The following BCL11A variants were observed in gnomAD, a reference collection of about 807,000 sequenced individuals.
BCL11A encodes B cell CLL/lymphoma 11A.
A neutral mutation model predicts 55.9 loss-of-function variants in BCL11A; 2 were observed. The observed-to-expected ratio is 0.04, with a 90% CI of 0.01 to 0.11. BCL11A has a LOEUF of 0.11. BCL11A is among the 10% of genes least tolerant of loss of function. BCL11A has a pLI of 1.00. For missense variants in BCL11A, 817 were observed against 1,137.1 expected (o/e 0.72, Z 4.05); for synonymous variants, 465 against 473.4 (o/e 0.98, Z 0.23).
In BCL11A at chr2:60,552,890, GGC is replaced by G. The variant is rs1364569225; in HGVS notation, c.55+324_55+325del. 1.4e-3 allele frequency among the ~76,000 whole-genome samples: 217 copies of G among 151,946 alleles called. 1 individual carries two copies. Among genetic ancestry groups the G allele is most frequent in the African/African-American group, 5.0e-3 (207 of 41,330 alleles). ...GTTCATTATTTTGCAAAACTGGCGG[GGC>G]GGGGGGGGAGTGGAATCATTGCATT... On this transcript the variant is annotated intron_variant, in intron 1 of 3. Coordinates refer to ENST00000642384, the MANE Select transcript of BCL11A (RefSeq NM_022893.4).
At chr2:60,493,218 C>G (rs2104332347) in intron 2 of BCL11A, among the ~76,000 whole-genome samples, 1 of 152,302 alleles carries the variant, frequency 6.6e-6, no homozygotes, top group East Asian at 1.9e-4. Flanking sequence ...TCCATTCAAC[C>G]TATTGGTTGC....
At chr2:60,493,335 T>A (rs925693452) in intron 2 of BCL11A, among the ~76,000 whole-genome samples, 4 of 152,324 alleles carry the variant, frequency 2.6e-5, no homozygotes, top group Admixed American at 1.3e-4. Flanking sequence ...GGTAAACATC[T>A]AAGGCATTTC....
chr2:60,511,447 G>C (rs909771465), intron 2 of BCL11A, among the ~76,000 whole-genome samples: 12 of 152,208 alleles, frequency 7.9e-5, no homozygotes, highest in Non-Finnish European at 1.6e-4. Flanking sequence ...AACACTTAAA[G>C]ATGCTATTCA....
At chr2:60,473,894 A>G (rs1444935958) in intron 2 of BCL11A, among the ~76,000 whole-genome samples, 1 of 152,044 alleles carries the variant, frequency 6.6e-6, no homozygotes, top group Non-Finnish European at 1.5e-5. Context: ...TTTTTCCTTC[A>G]TTGCTTTTTT....
At position 60,553,403 on chromosome 2, in the gene BCL11A, TC is replaced by T. The variant is rs781109506; in HGVS notation, c.-134del. ...ATATCTTCATCAGTGCCTTTTGACATCCAAAATAAATTAGAAATAATACAAA... is the reference window on the plus strand; with the variant it reads ...ATATCTTCATCAGTGCCTTTTGACATCAAAATAAATTAGAAATAATACAAA... On this transcript the variant is annotated 5_prime_UTR_variant, in exon 1 of 4. Coordinates refer to ENST00000642384, the MANE Select transcript of BCL11A (RefSeq NM_022893.4). 8.9e-6 allele frequency: 6 copies of T among 676,156 alleles called. No individual in the cohort carries two copies. The highest frequency in any genetic ancestry group is 1.3e-5 in the Non-Finnish European group (6 of 453,282). The allele number at this position is 676,156 out of a possible 1,614,324, so 41.9% of individuals were successfully genotyped here.
At chr2:60,473,880 A>G in intron 2 of BCL11A, among the ~76,000 whole-genome samples, 1 of 151,998 alleles carries the variant, frequency 6.6e-6, no homozygotes, top group South Asian at 2.1e-4. Context: ...TTACATGTGC[A>G]TTTTTTTTCC....
intron 2 of BCL11A, among the ~76,000 whole-genome samples, chr2:60,472,472 G>A (rs1366609127): frequency 6.6e-6 from 1 of 152,112 alleles, no homozygotes; most frequent in Non-Finnish European, 1.5e-5. Context: ...ATTTCCACTT[G>A]GGGCCTCAGA....
chr2:60,510,748 C>A (rs910902254), intron 2 of BCL11A, among the ~76,000 whole-genome samples: 2 of 152,166 alleles, frequency 1.3e-5, no homozygotes, highest in African/African-American at 4.8e-5. Context: ...TGCCAGGAGG[C>A]CACTCAATGC....
chr2:60,513,788 C>T (rs974788330), intron 2 of BCL11A, among the ~76,000 whole-genome samples: 1 of 152,222 alleles, frequency 6.6e-6, no homozygotes, highest in Non-Finnish European at 1.5e-5. Flanking sequence ...TGGGTCAGCA[C>T]CTACGAAGGG....
rs58564312 is a variant in BCL11A, at chr2:60,521,067, G to GCACACA, written c.385+24898_385+24903dup. ...AAAAGGAAGTGTAGCCTAGTGGTCA[G>GCACACA]CACACACACACACACACACACACAC... On this transcript the variant is annotated intron_variant, in intron 2 of 3. Transcript: ENST00000642384. Among the ~76,000 whole-genome samples the GCACACA allele has an allele frequency of 7.2e-3, 852 of 117,744 alleles. 6 individuals are homozygous for GCACACA. The highest frequency in any genetic ancestry group is 0.021 in the African/African-American group (748 of 35,852). 77.2% of individuals were successfully genotyped at this position (117,744 alleles called of 152,430 possible).
At chr2:60,479,401 C>G (rs915795342) in intron 2 of BCL11A, among the ~76,000 whole-genome samples, 1 of 152,232 alleles carries the variant, frequency 6.6e-6, no homozygotes, top group African/African-American at 2.4e-5. Flanking sequence ...AGCATTTCCA[C>G]GCAGTCCCAA....
intron 2 of BCL11A, among the ~76,000 whole-genome samples, chr2:60,517,231 G>A (rs1242119117): frequency 1.3e-5 from 2 of 152,162 alleles, no homozygotes; most frequent in South Asian, 2.1e-4. Context: ...GAGGGTACAC[G>A]TTCCTTCACC....
chr2:60,493,764 A>G (rs944022401), intron 2 of BCL11A, among the ~76,000 whole-genome samples: 2 of 152,164 alleles, frequency 1.3e-5, no homozygotes, highest in South Asian at 4.1e-4. Flanking sequence ...AAGGTCTCAC[A>G]CAACACTCCA....
chr2:60,542,920 C>G (rs965300322), intron 2 of BCL11A: 1 of 151,026 alleles, frequency 6.6e-6, no homozygotes, highest in African/African-American at 2.4e-5. Context: ...ATCCCAGCTA[C>G]TTGGGAGGCT....
intron 2 of BCL11A, among the ~76,000 whole-genome samples, chr2:60,495,371 T>C (rs1165552831): frequency 3.3e-5 from 5 of 152,214 alleles, no homozygotes; most frequent in African/African-American, 1.2e-4. Flanking sequence ...GCCTATGTTA[T>C]TACCTGTATG....
intron 2 of BCL11A, among the ~76,000 whole-genome samples, chr2:60,510,179 C>T (rs115397838): frequency 0.013 from 1,939 of 152,284 alleles, 44 homozygotes; most frequent in African/African-American, 0.043. Flanking sequence ...TCTCTGGAAG[C>T]GCAAGTCATA....
At chr2:60,463,922 G>GA (rs5831583) in intron 3 of BCL11A, among the ~76,000 whole-genome samples, 75 of 145,632 alleles carry the variant, frequency 5.1e-4, no homozygotes, top group South Asian at 1.1e-3. Context: ...TTCTAAGAAG[G>GA]AAAAAAAAAA....
At chr2:60,540,287 T>G (rs540885542) in intron 2 of BCL11A, among the ~76,000 whole-genome samples, 105 of 152,358 alleles carry the variant, frequency 6.9e-4, no homozygotes, top group African/African-American at 2.3e-3. Flanking sequence ...TGATGCTAAG[T>G]GCTTTTTATT....
downstream of BCL11A, among the ~76,000 whole-genome samples, chr2:60,454,392 G>A (rs961023872): frequency 6.6e-6 from 1 of 152,142 alleles, no homozygotes. Context: ...TTCCAAGCAG[G>A]TTGAGAGAAC....
Sources: allele counts gnomAD v4.1 joint callset (sites outside exome capture counted in the v4.1 genomes callset), GRCh38; gene constraint gnomAD v4.1.1; transcripts MANE v1.5; gene names NCBI Gene and HGNC (gene_info 2026-07-23, HGNC 2026-07-21).